ALK: variants seen among roughly 807,000 people sequenced by gnomAD.
ALK encodes ALK receptor tyrosine kinase.
ALK carries 74 observed loss-of-function variants against 163.1 expected under a neutral mutation model. That is an observed-to-expected ratio of 0.45 (90% CI 0.38 to 0.55). The LOEUF is 0.55. Among genes scored for constraint, ALK ranks in the 20% least tolerant of loss-of-function variants. ALK has a pLI of 0.00. For missense variants in ALK, 2,063 were observed against 2,105.3 expected, an observed-to-expected ratio of 0.98 and a Z score of 0.39; for synonymous variants, 960 against 843.2, an observed-to-expected ratio of 1.14 and a Z score of -2.40.
intron 1 of ALK, among the ~76,000 whole-genome samples, chr2:29,746,098 C>T (rs144158333): frequency 3.9e-5 from 6 of 152,242 alleles, no homozygotes; most frequent in Non-Finnish European, 8.8e-5. Flanking sequence ...TCCCACTTTA[C>T]AGATGAGGAA....
chr2:29,194,748 C>T (rs1030805309), intron 28 of ALK, among the ~76,000 whole-genome samples: 5 of 148,054 alleles, frequency 3.4e-5, no homozygotes, highest in East Asian at 2.0e-4. Context: ...GAACTCCTGA[C>T]CTCAGGTGAG....
intron 3 of ALK, among the ~76,000 whole-genome samples, chr2:29,573,956 G>GGA (rs1164447331): frequency 2.0e-5 from 3 of 152,126 alleles, no homozygotes; most frequent in Admixed American, 6.5e-5. Flanking sequence ...ACAATAAAAA[G>GGA]GAGAGAGAGA....
intron 1 of ALK, among the ~76,000 whole-genome samples, chr2:29,841,486 T>A (rs1222414272): frequency 6.6e-6 from 1 of 152,232 alleles, no homozygotes; most frequent in African/African-American, 2.4e-5. Flanking sequence ...CTTATCAGTT[T>A]GTATGTTAGA....
rs776510871 is a variant in ALK at position 29,226,952 on chromosome 2, C to G, written c.3037G>C (p.Val1013Leu). 6.2e-7 allele frequency: 1 copy of G among 1,614,212 alleles called. No individual in the cohort carries two copies. Among genetic ancestry groups the G allele is most frequent in the Non-Finnish European group, 8.5e-7 (1 of 1,180,044 alleles). ...KVICFCDHGT[V>L]LAEDGVSCIV... ...CAGGAGACGCCATCCTCAGCCAGCA[C>G]CGTCCCGTGGTCACAGAAGCAGATG... The change falls in exon 18 of 29, where the codon GTG (valine) becomes CTG (leucine). Residue 1013 changes from valine to leucine, a missense_variant. Val to Leu is a conservative substitution (Grantham distance 32, BLOSUM62 1). This residue lies in a region of ALK where 575 missense variants were observed against 626.6 expected (regional missense o/e 0.92). Coordinates refer to ENST00000389048, the MANE Select transcript of ALK (RefSeq NM_004304.5).
intron 3 of ALK, among the ~76,000 whole-genome samples, chr2:29,678,823 A>G (rs1677973049): frequency 6.6e-6 from 1 of 151,820 alleles, no homozygotes; most frequent in African/African-American, 2.4e-5. Flanking sequence ...ATATTGAAGA[A>G]TGTTCTCTGT....
At chr2:29,247,049 CG>C (rs1245353859) in intron 12 of ALK, among the ~76,000 whole-genome samples, 2 of 152,334 alleles carry the variant, frequency 1.3e-5, no homozygotes, top group African/African-American at 4.8e-5. Context: ...TTAGGGCCTT[CG>C]AACTTAACCC....
In ALK at chr2:29,297,053, C is replaced by T. The variant is rs374136388; in HGVS notation, c.1652G>A (p.Arg551Gln). ...APIKSSPCELRMSWLIRGVLR... is the reference protein window; with the variant it reads ...APIKSSPCELQMSWLIRGVLR... ...GACTCCACGAATGAGCCAGGACATT[C>T]GGAGCTGTGAGGGCGAGAAGAGTCA... The change falls in exon 9 of 29, where the codon CGA (arginine) becomes CAA (glutamine). Residue 551 changes from arginine (R) to glutamine (Q), a missense_variant. Transcript: ENST00000389048. The T allele has an allele frequency of 1.7e-5, 28 of 1,614,000 alleles. 1 individual carries two copies. The Admixed American group carries it at 1.8e-4, about 11-fold the overall frequency.
intron 1 of ALK, among the ~76,000 whole-genome samples, chr2:29,873,311 G>T (rs1250689245): frequency 2.6e-5 from 4 of 152,218 alleles, no homozygotes; most frequent in African/African-American, 4.8e-5. Flanking sequence ...GAGCCAGAAT[G>T]ACATTTGTAG....
chr2:29,394,142 T>C (rs895344658), intron 4 of ALK, among the ~76,000 whole-genome samples: 3 of 152,120 alleles, frequency 2.0e-5, no homozygotes, highest in African/African-American at 7.2e-5. Context: ...ATTTAGAAGT[T>C]GCAAATTAAA....
intron 3 of ALK, among the ~76,000 whole-genome samples, chr2:29,672,067 T>TC (rs747529854): frequency 6.6e-6 from 1 of 150,992 alleles, no homozygotes; most frequent in Admixed American, 6.6e-5. Context: ...TTTTTTTTTT[T>TC]CATTTGAATT....
At chr2:29,661,968 G>T (rs746906216) in intron 3 of ALK, among the ~76,000 whole-genome samples, 5 of 152,012 alleles carry the variant, frequency 3.3e-5, no homozygotes, top group African/African-American at 4.8e-5. Flanking sequence ...GCAGGGCAGC[G>T]GTGTCATCTC....
chr2:29,254,057 T>G (rs1022941780), intron 11 of ALK, among the ~76,000 whole-genome samples: 15 of 152,256 alleles, frequency 9.9e-5, no homozygotes, highest in African/African-American at 3.6e-4. Flanking sequence ...TCTCACAAGA[T>G]CCGATGGCTT....
At chr2:29,812,547 A>C (rs1277430269) in intron 1 of ALK, among the ~76,000 whole-genome samples, 2 of 152,160 alleles carry the variant, frequency 1.3e-5, no homozygotes, top group Non-Finnish European at 2.9e-5. Context: ...TATTTCATAC[A>C]TATAAAAAAT....
intron 1 of ALK, among the ~76,000 whole-genome samples, chr2:29,743,900 T>C (rs1680131556): frequency 6.6e-6 from 1 of 151,812 alleles, no homozygotes; most frequent in African/African-American, 2.4e-5. Context: ...GCCCATTTTA[T>C]GGTTCACATG....
chr2:29,561,518 C>A lies in ALK; in HGVS notation c.953-29402G>T, dbSNP rs568586415. Among the ~76,000 whole-genome samples the A allele has an allele frequency of 2.6e-5, 4 of 152,288 alleles. No homozygotes were observed. In the South Asian group the frequency reaches 8.3e-4, roughly 32 times the overall value. On this transcript the variant is annotated intron_variant, in intron 3 of 28. Transcript: ENST00000389048. ...AATACCAAGTTCACTGTCAATGGCA[C>A]ATCCATCGCGTCTGAAAATGGAGCA...
intron 8 of ALK, among the ~76,000 whole-genome samples, chr2:29,314,036 A>G (rs1666761104): frequency 6.6e-6 from 1 of 152,098 alleles, no homozygotes; most frequent in Non-Finnish European, 1.5e-5. Context: ...AGCCCAATCA[A>G]CACAGCCTGC....
intron 1 of ALK, among the ~76,000 whole-genome samples, chr2:29,785,550 T>C (rs150467661): frequency 6.6e-6 from 1 of 152,198 alleles, no homozygotes; most frequent in Non-Finnish European, 1.5e-5. Flanking sequence ...GTCCACAACC[T>C]TTCACACAAC....
intron 3 of ALK, among the ~76,000 whole-genome samples, chr2:29,575,099 T>C (rs1674486762): frequency 6.6e-6 from 1 of 152,166 alleles, no homozygotes; most frequent in African/African-American, 2.4e-5. Context: ...TGTATGCTGA[T>C]GAACTTTGAT....
intron 5 of ALK, among the ~76,000 whole-genome samples, chr2:29,347,683 T>C (rs1235931548): frequency 2.0e-5 from 3 of 152,178 alleles, no homozygotes; most frequent in Non-Finnish European, 4.4e-5. Flanking sequence ...AATGAAATGA[T>C]AGAGATGTAT....
Sources: gnomAD v4.1 joint callset for allele counts (sites outside exome capture counted in the v4.1 genomes callset) on GRCh38, gnomAD v4.1.1 for gene constraint, gnomAD v4.1.1 regional missense constraint, MANE v1.5 for transcripts, NCBI Gene and HGNC (gene_info 2026-07-23, HGNC 2026-07-21) for gene names.